The following BTBD1 variants were observed in gnomAD, a reference collection of about 807,000 sequenced individuals.
The protein encoded by BTBD1 is BTB/POZ domain-containing protein 1.
A neutral mutation model predicts 48.0 loss-of-function variants in BTBD1; 34 were observed. The observed-to-expected ratio is 0.71, with a 90% CI of 0.54 to 0.94. The LOEUF (loss-of-function observed/expected upper bound fraction) is 0.94, where lower values mean the gene tolerates loss of function less well. BTBD1 is among the 40% of genes least tolerant of loss of function. The probability of loss-of-function intolerance (pLI) is 0.00; values close to 1 mark genes in which losing one functional copy is unlikely to be tolerated. For missense variants in BTBD1, 543 were observed against 625.6 expected, an observed-to-expected ratio of 0.87 and a Z score of 1.41; for synonymous variants, 261 against 242.1, an observed-to-expected ratio of 1.08 and a Z score of -0.72.
intron 2 of BTBD1, among the ~76,000 whole-genome samples, chr15:83,050,430 T>TTATGTGTG (rs765507635): frequency 1.4e-5 from 2 of 146,150 alleles, no homozygotes; most frequent in African/African-American, 5.0e-5. Context: ...TTTTATGTGC[T>TTATGTGTG]TGTGTGTGTG....
rs761937825 is a variant in BTBD1 at position 83,041,929 on chromosome 15, T to C, written c.665-4A>G. On this transcript the variant is annotated splice_region_variant and splice_polypyrimidine_tract_variant and intron_variant, in intron 3 of 7. Transcript: ENST00000261721. ...TCTAAAACTGCACAGAGTGTATCTA[T>C]AGGCAAAATACAAAATAAACCCAAT... 9.9e-6 allele frequency: 16 copies of C among 1,613,232 alleles called. No homozygotes were observed. The East Asian group carries it at 1.1e-4, about 11-fold the overall frequency.
intron 1 of BTBD1, among the ~76,000 whole-genome samples, chr15:83,059,375 G>A (rs1321655524): frequency 2.0e-5 from 3 of 151,966 alleles, no homozygotes; most frequent in Non-Finnish European, 2.9e-5. Context: ...GTGAAACCCC[G>A]ACTCTACTAA....
intron 4 of BTBD1, among the ~76,000 whole-genome samples, chr15:83,039,896 C>CA (rs922967465): frequency 6.6e-6 from 1 of 151,542 alleles, no homozygotes; most frequent in African/African-American, 2.4e-5. Flanking sequence ...AATGTTCCAC[C>CA]AAAAGACACA....
chr15:83,030,529 G>A lies in BTBD1; in HGVS notation c.863-201C>T, dbSNP rs562020554. 7.0e-5 allele frequency: 36 copies of A among 514,918 alleles called. 1 individual carries two copies. The South Asian group carries it at 1.0e-3, about 14-fold the overall frequency. 31.9% of individuals were successfully genotyped at this position (514,918 alleles called of 1,614,324 possible). A position where few individuals can be genotyped will look rare whatever the true frequency, so the allele number is the denominator to read the frequency against. On this transcript the variant is annotated intron_variant, in intron 4 of 7. Coordinates refer to ENST00000261721, the MANE Select transcript of BTBD1 (RefSeq NM_025238.4). ...AAACACATTAATTAAAATGTTAAAA[G>A]CATTAATTAGTCAAAACTTAGATCC...
chr15:83,044,624 C>T (rs2032840111), intron 3 of BTBD1: 1 of 1,565,388 alleles, frequency 6.4e-7, no homozygotes, highest in Non-Finnish European at 8.8e-7. Flanking sequence ...AGACTGTGTG[C>T]AGCTTTGCAG....
At chr15:83,026,220 A>G (rs2032403502) in intron 5 of BTBD1, among the ~76,000 whole-genome samples, 1 of 152,106 alleles carries the variant, frequency 6.6e-6, no homozygotes, top group Non-Finnish European at 1.5e-5. Context: ...AGTGGCCACT[A>G]TTCTCTTTTA....
intron 6 of BTBD1, 89 bp from the exon 7 acceptor site, chr15:83,018,942 G>A (rs928584875): frequency 2.5e-5 from 18 of 728,938 alleles, no homozygotes; most frequent in East Asian, 1.8e-4. Context: ...CAATGTGTGC[G>A]TGTGTGTTTT....
chr15:83,035,512 A>G (rs936652275), intron 4 of BTBD1, among the ~76,000 whole-genome samples: 3 of 152,110 alleles, frequency 2.0e-5, no homozygotes, highest in African/African-American at 2.4e-5. Context: ...AAAAAAGCAA[A>G]AATTAAAAAT....
intron 2 of BTBD1, among the ~76,000 whole-genome samples, chr15:83,053,034 T>G (rs957439326): frequency 3.3e-5 from 5 of 152,222 alleles, no homozygotes; most frequent in African/African-American, 1.2e-4. Flanking sequence ...CTATAAAAAT[T>G]ATCTTATTCA....
intron 5 of BTBD1, among the ~76,000 whole-genome samples, chr15:83,027,052 G>A (rs183464504): frequency 3.9e-5 from 6 of 152,078 alleles, no homozygotes; most frequent in Non-Finnish European, 7.4e-5. Context: ...ATAATCTTAA[G>A]TCCTAAAAAC....
At chr15:83,037,565 A>C (rs1280909699) in intron 4 of BTBD1, among the ~76,000 whole-genome samples, 1 of 152,236 alleles carries the variant, frequency 6.6e-6, no homozygotes, top group Non-Finnish European at 1.5e-5. Context: ...ATCTATGATA[A>C]ATCCACAACT....
rs1241071976 is a variant in BTBD1, at chr15:83,056,382, T to C, written c.558+7A>G. The C allele has an allele frequency of 3.7e-6, 6 of 1,607,166 alleles. No individual in the cohort carries two copies. The highest frequency in any genetic ancestry group is 5.1e-6 in the Non-Finnish European group (6 of 1,173,950). On this transcript the variant is annotated splice_region_variant and intron_variant, in intron 2 of 7. Transcript: ENST00000261721. ...CAATGATACATACCTTAGCTACATT[T>C]ACTTACCTGAGTAAGTAACATAAAG...
At chr15:83,026,741 C>G (rs549705967) in intron 5 of BTBD1, among the ~76,000 whole-genome samples, 3 of 152,082 alleles carry the variant, frequency 2.0e-5, no homozygotes, top group South Asian at 2.1e-4. Flanking sequence ...AGACTGGTCT[C>G]GAGCTCCCGA....
chr15:83,041,561 C>T (rs771518806), intron 4 of BTBD1, among the ~76,000 whole-genome samples, 167 bp downstream of exon 4: 15 of 152,028 alleles, frequency 9.9e-5, no homozygotes, highest in Non-Finnish European at 4.4e-5. Flanking sequence ...TTAGTAGAGA[C>T]GGGGTTTTAC....
At chr15:83,050,377 CCTG>C (rs1022929535) in intron 2 of BTBD1, among the ~76,000 whole-genome samples, 199 bp from the exon 3 acceptor site, 4 of 151,450 alleles carry the variant, frequency 2.6e-5, no homozygotes, top group Non-Finnish European at 5.9e-5. Flanking sequence ...ATACAAATGC[CCTG>C]CTAAGAACAA....
chr15:83,029,852 G>C (rs761209502), intron 5 of BTBD1: 9 of 359,140 alleles, frequency 2.5e-5, no homozygotes, highest in South Asian at 2.2e-4. Flanking sequence ...CTGAGTGACA[G>C]AGCGACTCCA....
At chr15:83,061,894 CTG>C (rs1222535112) in intron 1 of BTBD1, 1 of 152,190 alleles carries the variant, frequency 6.6e-6, no homozygotes, top group Non-Finnish European at 1.5e-5. Flanking sequence ...CCAAAACATG[CTG>C]TGAGAGATTA....
At chr15:83,036,280 A>C (rs2032629421) in intron 4 of BTBD1, among the ~76,000 whole-genome samples, 3 of 152,188 alleles carry the variant, frequency 2.0e-5, no homozygotes. Flanking sequence ...TAAAAGACAA[A>C]GTCTGTCAGA....
At chr15:83,056,089 T>TA (rs2151312849) in intron 2 of BTBD1, among the ~76,000 whole-genome samples, 1 of 150,878 alleles carries the variant, frequency 6.6e-6, no homozygotes, top group South Asian at 2.1e-4. Context: ...TTTATATTTT[T>TA]AGTAGAGACG....
Sources: allele counts gnomAD v4.1 joint callset (sites outside exome capture counted in the v4.1 genomes callset), GRCh38; gene constraint gnomAD v4.1.1; transcripts MANE v1.5; gene names NCBI Gene and HGNC (gene_info 2026-07-23, HGNC 2026-07-21).